Variants in PCDHGA1 observed in about 807,000 individuals in gnomAD.
PCDHGA1 encodes protocadherin gamma-A1.
In PCDHGA1, 32 loss-of-function variants were observed where a neutral mutation model predicts 58.0. That is an observed-to-expected ratio of 0.55 (90% CI 0.42 to 0.74). PCDHGA1 has a LOEUF of 0.74. PCDHGA1 is among the 30% of genes least tolerant of loss of function. The pLI is 0.00. For synonymous variants in PCDHGA1, 498 were observed against 501.1 expected (o/e 0.99, Z 0.08); for missense variants, 1,205 against 1,182.3 (o/e 1.02, Z -0.28).
chr5:141,502,491 T>G lies in PCDHGA1; in HGVS notation c.2481-2902T>G, dbSNP rs557202239. Among the ~76,000 whole-genome samples, 1,415 of 152,344 alleles carry G rather than the reference T, an allele frequency of 9.3e-3. 29 individuals carry two copies. The highest frequency in any genetic ancestry group is 0.033 in the African/African-American group (1,352 of 41,578). ...TCCCGCAGCATCACACTGGGACTCA[T>G]CTAACGTCGGCCTGTCCCACTATCA... is the stretch of plus-strand genomic sequence containing the variant. On this transcript the variant is annotated intron_variant, in intron 2 of 3. Transcript: ENST00000517417.
chr5:141,351,110 A>G lies in PCDHGA1; in HGVS notation c.2421+18005A>G, dbSNP rs1185497044. 5 of 1,613,972 alleles carry G rather than the reference A, an allele frequency of 3.1e-6. No individual in the cohort carries two copies. In the South Asian group the frequency reaches 5.5e-5, roughly 18 times the overall value. ...CTATGCCTTCCTCAATTCCCCAATA[A>G]GTACCAGCCTCTTCAATCTCAATCC... is the stretch of plus-strand genomic sequence containing the variant. On this transcript the variant is annotated intron_variant, in intron 1 of 3. Transcript: ENST00000517417.
At chr5:141,414,681 G>T (rs780836649) in intron 1 of PCDHGA1, 2 of 1,613,836 alleles carry the variant, frequency 1.2e-6, no homozygotes, top group Non-Finnish European at 8.5e-7. Flanking sequence ...CCATCCAGGG[G>T]GTACCTCTGT....
chr5:141,414,648 T>G (rs2095770464), intron 1 of PCDHGA1: 2 of 1,613,844 alleles, frequency 1.2e-6, no homozygotes, highest in Non-Finnish European at 1.7e-6. Context: ...ATGCCCAGAT[T>G]ATTTACTCCC....
intron 1 of PCDHGA1, among the ~76,000 whole-genome samples, chr5:141,406,446 CTA>C: frequency 6.6e-6 from 1 of 152,200 alleles, no homozygotes; most frequent in Non-Finnish European, 1.5e-5. Context: ...TCTTCCATTT[CTA>C]TGACAGGAAA....
chr5:141,361,023 A>T (rs1171139053), intron 1 of PCDHGA1: 1 of 1,613,384 alleles, frequency 6.2e-7, no homozygotes, highest in Non-Finnish European at 8.5e-7. Context: ...ACTTAAATGA[A>T]AAAACAGGAG....
intron 1 of PCDHGA1, chr5:141,428,181 AG>A (rs776102500): frequency 6.7e-7 from 1 of 1,486,230 alleles, no homozygotes; most frequent in Admixed American, 1.8e-5. Context: ...GACGGAGGAC[AG>A]CCGCCGCTCT....
chr5:141,333,624 T>C, intron 1 of PCDHGA1: 1 of 166,108 alleles, frequency 6.0e-6, no homozygotes, highest in Non-Finnish European at 1.3e-5. Context: ...TGTGTTCATA[T>C]AAGATTATAG....
At chr5:141,350,517 G>A (rs1440079491) in intron 1 of PCDHGA1, 1 of 1,613,896 alleles carries the variant, frequency 6.2e-7, no homozygotes, top group African/African-American at 1.3e-5. Flanking sequence ...GTGAACGGTA[G>A]GATAGATCGA....
intron 1 of PCDHGA1, chr5:141,379,281 T>G (rs1775489510): frequency 2.6e-5 from 4 of 152,252 alleles, no homozygotes; most frequent in Admixed American, 2.6e-4. Context: ...ATTTATTTAT[T>G]TCAAGTTTCC....
chr5:141,351,075 CAGAGAT>C (rs1561499274), intron 1 of PCDHGA1: 12 of 1,614,032 alleles, frequency 7.4e-6, no homozygotes, highest in Non-Finnish European at 9.3e-6. Flanking sequence ...GGCATTAATG[CAGAGAT>C]CACCTATGCC....
At position 141,389,190 on chromosome 5, in the gene PCDHGA1, A is replaced by G; in HGVS notation, c.2421+56085A>G. The G allele has an allele frequency of 6.2e-7, 1 of 1,614,034 alleles. No individual in the cohort carries two copies. The highest frequency in any genetic ancestry group is 8.5e-7 in the Non-Finnish European group (1 of 1,179,896). ...GCCTCCCCTCTCCTCCAGTTCCAGC[A>G]TCACCCTGCACATTGGTGATGTAAA... On this transcript the variant is annotated intron_variant, in intron 1 of 3. Coordinates refer to ENST00000517417, the MANE Select transcript of PCDHGA1 (RefSeq NM_018912.3).
chr5:141,387,669 TCTC>T lies in PCDHGA1; in HGVS notation c.2421+54568_2421+54570del, dbSNP rs61279892. 2,271 of 693,780 alleles carry T rather than the reference TCTC, an allele frequency of 3.3e-3. 45 individuals are homozygous for T. In the African/African-American group the frequency reaches 0.034, roughly 10 times the overall value. 43.0% of individuals were successfully genotyped at this position (693,780 alleles called of 1,614,324 possible). A position where few individuals can be genotyped will look rare whatever the true frequency, so the allele number is the denominator to read the frequency against. ...AAAGTGGAGAGCTTGGCGCTCCAGA[TCTC>T]CTCGCGCAGCCGCAGCGCGCTTTCC... On this transcript the variant is annotated intron_variant, in intron 1 of 3. Coordinates refer to ENST00000517417, the MANE Select transcript of PCDHGA1 (RefSeq NM_018912.3).
At chr5:141,409,858 G>A in intron 1 of PCDHGA1, 2 of 1,612,340 alleles carry the variant, frequency 1.2e-6, no homozygotes, top group Non-Finnish European at 1.7e-6. Context: ...GCGTGTTGGT[G>A]GGAGACCGCA....
At chr5:141,338,948 G>A in intron 1 of PCDHGA1, 1 of 1,523,508 alleles carries the variant, frequency 6.6e-7, no homozygotes, top group Non-Finnish European at 8.8e-7. Context: ...AAGTTGACTC[G>A]GAGAAAATTG....
rs1757628583 is a variant in PCDHGA1 at position 141,345,722 on chromosome 5, G to C, written c.2421+12617G>C. The C allele has an allele frequency of 2.5e-6, 4 of 1,614,108 alleles. No individual in the cohort carries two copies. The South Asian group carries it at 3.3e-5, about 13-fold the overall frequency. On this transcript the variant is annotated intron_variant, in intron 1 of 3. Coordinates refer to ENST00000517417, the MANE Select transcript of PCDHGA1 (RefSeq NM_018912.3). ...AGAACGACAACGCGCCCGAGATCCT[G>C]TACCCCGCCCTCCCCACAGACGGTT...
At chr5:141,428,186 CCGCTCTCTGCGCCGCTA>C (rs1167279209) in intron 1 of PCDHGA1, 1 of 1,460,956 alleles carries the variant, frequency 6.8e-7, no homozygotes, top group Admixed American at 1.8e-5. Context: ...AGGACAGCCG[CCGCTCTCTGCGCCGCTA>C]CGCTTCACCT....
At position 141,490,502 on chromosome 5, in the gene PCDHGA1, T is replaced by C. The variant is rs1408615048; in HGVS notation, c.2422-4305T>C. On this transcript the variant is annotated intron_variant, in intron 1 of 3. Transcript: ENST00000517417. The surrounding 1 kb of genome is among the most constrained non-coding windows in gnomAD (Gnocchi z 5.4). Reference sequence around the variant, plus strand: ...GACCGGGAGGCCACATCCCACTATATCATCGAGCTGCTGGCCAGCGATGCT... The same window carrying C: ...GACCGGGAGGCCACATCCCACTATACCATCGAGCTGCTGGCCAGCGATGCT... 1.2e-6 allele frequency: 2 copies of C among 1,614,094 alleles called. No individual in the cohort carries two copies. The highest frequency in any genetic ancestry group is 1.1e-5 in the South Asian group (1 of 91,076).
In PCDHGA1 at chr5:141,485,578, G is replaced by A; in HGVS notation, c.2422-9229G>A. ...ATGATCACGCCCCCCGTTTTCCGCG[G>A]CAGCAGCTGGACTTGGAAATTGGGG... is the stretch of plus-strand genomic sequence containing the variant. On this transcript the variant is annotated intron_variant, in intron 1 of 3. Transcript: ENST00000517417. This position sits in a 1 kb window ranked among gnomAD's most constrained non-coding sequence, Gnocchi z 5.7. 6.2e-7 allele frequency: 1 copy of A among 1,612,362 alleles called. No homozygotes were observed. Among genetic ancestry groups the A allele is most frequent in the Non-Finnish European group, 8.5e-7 (1 of 1,178,688 alleles).
At chr5:141,348,765 T>C (rs1006453584) in intron 1 of PCDHGA1, among the ~76,000 whole-genome samples, 1 of 152,214 alleles carries the variant, frequency 6.6e-6, no homozygotes, top group Admixed American at 6.5e-5. Flanking sequence ...TATAAAGGCA[T>C]GATGCAAGGA....
Sources: allele counts gnomAD v4.1 joint callset (sites outside exome capture counted in the v4.1 genomes callset), GRCh38; gene constraint gnomAD v4.1.1; non-coding constraint Gnocchi (gnomAD v3.1); transcripts MANE v1.5; gene names NCBI Gene and HGNC (gene_info 2026-07-23, HGNC 2026-07-21).